Variants in RYR2 observed in about 807,000 individuals in gnomAD.
The protein encoded by RYR2 is cardiac muscle ryanodine receptor-calcium release channel.
Under a neutral mutation model 601.1 loss-of-function variants are expected in RYR2, and 227 were observed. That is an observed-to-expected ratio of 0.38 (90% CI 0.34 to 0.42). The LOEUF (loss-of-function observed/expected upper bound fraction) is 0.42, where lower values mean the gene tolerates loss of function less well. Among genes scored for constraint, RYR2 ranks in the 10% least tolerant of loss-of-function variants. The pLI, the probability that RYR2 is intolerant of heterozygous loss-of-function variation, is 1.00. For missense variants in RYR2, 4,646 were observed against 6,156.5 expected (o/e 0.75, Z 8.21); for synonymous variants, 2,223 against 2,175.1 (o/e 1.02, Z -0.61).
chr1:237,304,592 C>T (rs949196285), intron 2 of RYR2, among the ~76,000 whole-genome samples: 1 of 152,148 alleles, frequency 6.6e-6, no homozygotes, highest in African/African-American at 2.4e-5. Flanking sequence ...TCTTCCATTT[C>T]TGGGTGTGGG....
At chr1:237,641,922 CT>C (rs1262981209) in intron 47 of RYR2, among the ~76,000 whole-genome samples, 1 of 152,150 alleles carries the variant, frequency 6.6e-6, no homozygotes, top group Non-Finnish European at 1.5e-5. Flanking sequence ...GTAATACATT[CT>C]GATATTTTGT....
chr1:237,090,988 C>T (rs1666889325), intron 1 of RYR2, among the ~76,000 whole-genome samples: 1 of 152,092 alleles, frequency 6.6e-6, no homozygotes, highest in Non-Finnish European at 1.5e-5. Context: ...AAATTATGTA[C>T]TTGTGTTTAA....
At chr1:237,350,464 G>A (rs558725944) in intron 3 of RYR2, among the ~76,000 whole-genome samples, 120 of 148,920 alleles carry the variant, frequency 8.1e-4, no homozygotes, top group Non-Finnish European at 1.2e-3. Context: ...CCAGCTACTC[G>A]GGAGGCTGAG....
At chr1:237,409,254 A>G (rs1409635817) in intron 10 of RYR2, among the ~76,000 whole-genome samples, 1 of 152,146 alleles carries the variant, frequency 6.6e-6, no homozygotes, top group Non-Finnish European at 1.5e-5. Context: ...TATAGAAGCA[A>G]CAAGTTTCTT....
chr1:237,350,622 T>A (rs1347539116), intron 3 of RYR2, among the ~76,000 whole-genome samples: 1 of 109,388 alleles, frequency 9.1e-6, no homozygotes, highest in Non-Finnish European at 1.8e-5. Flanking sequence ...TATATATATA[T>A]ATATATATAT....
chr1:237,338,178 T>C (rs1410825231), intron 3 of RYR2, among the ~76,000 whole-genome samples: 1 of 152,152 alleles, frequency 6.6e-6, no homozygotes, highest in African/African-American at 2.4e-5. Flanking sequence ...TAAGATGTTA[T>C]TGACAAGATC....
chr1:237,047,430 CT>C (rs1442683650), intron 1 of RYR2, among the ~76,000 whole-genome samples: 1 of 129,422 alleles, frequency 7.7e-6, no homozygotes, highest in Non-Finnish European at 1.6e-5. Context: ...CTTACTCCTT[CT>C]GGTTTATCTT....
At chr1:237,564,810 T>C (rs1265876334) in intron 27 of RYR2, among the ~76,000 whole-genome samples, 1 of 152,180 alleles carries the variant, frequency 6.6e-6, no homozygotes, top group Admixed American at 6.5e-5. Flanking sequence ...ACTACCACCA[T>C]TATCAAAAAA....
At chr1:237,613,493 G>C (rs1461048673) in intron 36 of RYR2, among the ~76,000 whole-genome samples, 6 of 152,142 alleles carry the variant, frequency 3.9e-5, no homozygotes, top group Admixed American at 3.9e-4. Context: ...TTTTGAGGTG[G>C]AGTCTCACCA....
chr1:237,304,397 T>C (rs1416416420), intron 2 of RYR2, among the ~76,000 whole-genome samples: 1 of 152,176 alleles, frequency 6.6e-6, no homozygotes, highest in African/African-American at 2.4e-5. Flanking sequence ...ATATGCAAAT[T>C]ACACTGAAAA....
At chr1:237,554,111 A>G (rs986556459) in intron 27 of RYR2, among the ~76,000 whole-genome samples, 1 of 151,968 alleles carries the variant, frequency 6.6e-6, no homozygotes, top group Admixed American at 6.6e-5. Flanking sequence ...TTCACCATTA[A>G]GTATGATGTT....
At chr1:237,221,281 T>G (rs1408404875) in intron 1 of RYR2, among the ~76,000 whole-genome samples, 1 of 152,206 alleles carries the variant, frequency 6.6e-6, no homozygotes, top group Non-Finnish European at 1.5e-5. Context: ...AAACATTGAT[T>G]AGATGAAACA....
intron 1 of RYR2, among the ~76,000 whole-genome samples, chr1:237,130,736 A>G (rs953935496): frequency 6.6e-6 from 1 of 152,114 alleles, no homozygotes; most frequent in African/African-American, 2.4e-5. Flanking sequence ...CTGACAGTAG[A>G]CTAAGGTGAT....
intron 33 of RYR2, among the ~76,000 whole-genome samples, chr1:237,594,895 T>TTTTTTTTTTTGTTTTTTTTG (rs1675663814): frequency 5.3e-5 from 1 of 18,780 alleles, no homozygotes; most frequent in African/African-American, 1.7e-4. Flanking sequence ...GGTTTTTTTT[T>TTTTTTTTTTTGTTTTTTTTG]TTTTTTTTTT....
intron 2 of RYR2, among the ~76,000 whole-genome samples, chr1:237,271,864 C>G (rs746350872): frequency 1.1e-4 from 17 of 152,170 alleles, no homozygotes; most frequent in Admixed American, 9.2e-4. Context: ...GGCACGGTGT[C>G]TCATGCCTGT....
At chr1:237,754,124 G>A (rs569383678) in intron 80 of RYR2, among the ~76,000 whole-genome samples, 9 of 149,834 alleles carry the variant, frequency 6.0e-5, no homozygotes, top group South Asian at 2.1e-4. Flanking sequence ...ATTTTTCTGC[G>A]TCTAGATCAG....
intron 10 of RYR2, among the ~76,000 whole-genome samples, chr1:237,410,095 G>C (rs943303697): frequency 6.6e-6 from 1 of 152,092 alleles, no homozygotes; most frequent in African/African-American, 2.4e-5. Context: ...GAAAAATAAA[G>C]TTCACTTAGA....
chr1:237,170,880 T>C (rs977974016), intron 1 of RYR2, among the ~76,000 whole-genome samples: 2 of 152,078 alleles, frequency 1.3e-5, no homozygotes, highest in Admixed American at 1.3e-4. Flanking sequence ...AGTGTAGGCA[T>C]CTGCGTGACA....
intron 1 of RYR2, among the ~76,000 whole-genome samples, chr1:237,237,945 C>CTTTCCTTTCCTTT (rs144453604): frequency 3.7e-4 from 13 of 35,526 alleles, no homozygotes; most frequent in African/African-American, 7.8e-4. Flanking sequence ...CTTTCCTTTC[C>CTTTCCTTTCCTTT]CCTTTCCTTT....
Sources: allele counts gnomAD v4.1 joint callset (sites outside exome capture counted in the v4.1 genomes callset), GRCh38; gene constraint gnomAD v4.1.1; transcripts MANE v1.5; gene names NCBI Gene and HGNC (gene_info 2026-07-23, HGNC 2026-07-21).